Variants in OR7C1 observed in about 807,000 individuals in gnomAD.
The protein encoded by OR7C1 is olfactory receptor family 7 subfamily C member 1.
For synonymous variants in OR7C1, 152 were observed against 160.7 expected (o/e 0.95, Z 0.41); for missense variants, 324 against 383.3 (o/e 0.85, Z 1.29).
At chr19:14,816,665 T>C (rs1340648697) in intron 1 of OR7C1, among the ~76,000 whole-genome samples, 7 of 152,194 alleles carry the variant, frequency 4.6e-5, no homozygotes, top group Admixed American at 4.6e-4. Flanking sequence ...TCTGCTCAGC[T>C]TGAAGACGAT....
At chr19:14,818,982 T>C (rs956764978) in intron 1 of OR7C1, among the ~76,000 whole-genome samples, 4 of 152,182 alleles carry the variant, frequency 2.6e-5, no homozygotes, top group African/African-American at 7.2e-5. Context: ...TATGTACACA[T>C]GTGCCATGTT....
At chr19:14,824,439 A>C (rs1599921990) in intron 1 of OR7C1, 1 of 152,278 alleles carries the variant, frequency 6.6e-6, no homozygotes, top group East Asian at 1.9e-4. Flanking sequence ...GTGTGTACCC[A>C]ATGTTTAGCT....
intron 1 of OR7C1, among the ~76,000 whole-genome samples, chr19:14,815,506 C>G (rs1048865226): frequency 6.6e-6 from 1 of 152,188 alleles, no homozygotes; most frequent in African/African-American, 2.4e-5. Flanking sequence ...ATGCCTGTCT[C>G]TCTGGTATTG....
At chr19:14,835,140 G>A (rs2044872369) in exon 1 of OR7C1, 1 of 147,966 alleles carries the variant, frequency 6.8e-6, no homozygotes, top group African/African-American at 2.5e-5. Context: ...ATGATTGATG[G>A]TGGAGACTGA....
At chr19:14,800,212 T>C (rs1184121452) in intron 4 of OR7C1, 44 bp downstream of exon 4, 2 of 1,449,670 alleles carry the variant, frequency 1.4e-6, no homozygotes, top group African/African-American at 1.4e-5. Flanking sequence ...GGAAATTTGG[T>C]TACATTTAAT....
chr19:14,832,904 ATAAAT>A (rs977775634), intron 1 of OR7C1, among the ~76,000 whole-genome samples: 7 of 152,370 alleles, frequency 4.6e-5, no homozygotes, highest in African/African-American at 1.7e-4. Context: ...TCATATCAAC[ATAAAT>A]TAATAAATTG....
intron 1 of OR7C1, among the ~76,000 whole-genome samples, chr19:14,832,352 T>C (rs2145086136): frequency 6.6e-6 from 1 of 152,196 alleles, no homozygotes; most frequent in African/African-American, 2.4e-5. Flanking sequence ...TTACCATGGA[T>C]GTTCACTTAT....
At chr19:14,801,398 C>T (rs906714681) in intron 2 of OR7C1, among the ~76,000 whole-genome samples, 2 of 152,118 alleles carry the variant, frequency 1.3e-5, no homozygotes, top group Non-Finnish European at 2.9e-5. Flanking sequence ...CATTATTTTA[C>T]ATGTTCGTTT....
At chr19:14,798,894 A>T in exon 5 of OR7C1, 1 of 282,404 alleles carries the variant, frequency 3.5e-6, no homozygotes, top group Non-Finnish European at 6.6e-6. Flanking sequence ...GCCGGCATTC[A>T]CTCATGCAAG....
intron 1 of OR7C1, chr19:14,825,665 T>C (rs1432592639): frequency 6.6e-6 from 1 of 152,098 alleles, no homozygotes; most frequent in Admixed American, 6.6e-5. Flanking sequence ...TGGCAAGCTG[T>C]CCCAACTGTG....
intron 1 of OR7C1, among the ~76,000 whole-genome samples, chr19:14,817,908 G>C (rs1039068671): frequency 6.6e-6 from 1 of 152,070 alleles, no homozygotes; most frequent in Non-Finnish European, 1.5e-5. Context: ...AGTATTAAGT[G>C]TAAAGGATAT....
At chr19:14,816,800 AG>A (rs1157119133) in intron 1 of OR7C1, among the ~76,000 whole-genome samples, 2 of 152,200 alleles carry the variant, frequency 1.3e-5, no homozygotes, top group Non-Finnish European at 2.9e-5. Context: ...AGGTGCTAGG[AG>A]GTTAGATATC....
chr19:14,827,293 T>A (rs774787557), intron 1 of OR7C1: 1 of 1,549,172 alleles, frequency 6.5e-7, no homozygotes, highest in Admixed American at 2.0e-5. Context: ...CATGGGCACT[T>A]CTTGAAAAAT....
At chr19:14,829,894 C>T (rs935764695) in intron 1 of OR7C1, among the ~76,000 whole-genome samples, 1 of 152,242 alleles carries the variant, frequency 6.6e-6, no homozygotes, top group African/African-American at 2.4e-5. Flanking sequence ...GCACACTGGC[C>T]GAAGAGGGCC....
chr19:14,813,844 A>G (rs1443687778), intron 1 of OR7C1, among the ~76,000 whole-genome samples: 1 of 152,088 alleles, frequency 6.6e-6, no homozygotes, highest in Non-Finnish European at 1.5e-5. Context: ...TCCTTGACAC[A>G]TGGGGATTAC....
At chr19:14,820,023 C>T (rs1568251541) in intron 1 of OR7C1, among the ~76,000 whole-genome samples, 1 of 152,206 alleles carries the variant, frequency 6.6e-6, no homozygotes, top group Non-Finnish European at 1.5e-5. Context: ...TCTTGTGCCT[C>T]AGCCTCCCGA....
intron 2 of OR7C1, among the ~76,000 whole-genome samples, chr19:14,808,678 C>G (rs1267844691): frequency 6.6e-6 from 1 of 151,842 alleles, no homozygotes; most frequent in Non-Finnish European, 1.5e-5. Flanking sequence ...ACAATGTACA[C>G]TATTTGAGTG....
intron 1 of OR7C1, among the ~76,000 whole-genome samples, chr19:14,829,272 C>T (rs748466777): frequency 1.4e-4 from 21 of 152,344 alleles, no homozygotes; most frequent in Non-Finnish European, 3.1e-4. Flanking sequence ...GGCGCAATCT[C>T]AGATCACTGC....
intron 2 of OR7C1, among the ~76,000 whole-genome samples, chr19:14,803,704 T>C (rs1038309651): frequency 1.3e-5 from 2 of 151,030 alleles, no homozygotes; most frequent in Non-Finnish European, 2.9e-5. Flanking sequence ...TAAATAATAA[T>C]AATAATAATA....
Sources: allele counts gnomAD v4.1 joint callset (sites outside exome capture counted in the v4.1 genomes callset), GRCh38; gene constraint gnomAD v4.1.1; transcripts MANE v1.5; gene names NCBI Gene and HGNC (gene_info 2026-07-23, HGNC 2026-07-21).